CDH12: variants seen among roughly 807,000 people sequenced by gnomAD.
CDH12 encodes the protein cadherin 12, also known as cadherin-12.
Under a neutral mutation model 74.1 loss-of-function variants are expected in CDH12, and 41 were observed. The ratio of observed to expected loss-of-function variants is 0.55; its 90% CI spans 0.43 to 0.72. CDH12 has a LOEUF of 0.72. Among genes scored for constraint, CDH12 ranks in the 30% least tolerant of loss-of-function variants. The probability of loss-of-function intolerance (pLI) is 0.00; values close to 1 mark genes in which losing one functional copy is unlikely to be tolerated. For synonymous variants in CDH12, 399 were observed against 355.0 expected, an observed-to-expected ratio of 1.12 and a Z score of -1.39; for missense variants, 945 against 977.2, an observed-to-expected ratio of 0.97 and a Z score of 0.44.
intron 7 of CDH12, among the ~76,000 whole-genome samples, chr5:21,850,495 A>G (rs79317339): frequency 1.1e-3 from 167 of 151,770 alleles, no homozygotes; most frequent in African/African-American, 3.8e-3. Context: ...TGTCTATAGT[A>G]TCATAAAGTG....
intron 1 of CDH12, among the ~76,000 whole-genome samples, chr5:22,725,760 C>T (rs1233757393): frequency 6.6e-6 from 1 of 151,582 alleles, no homozygotes; most frequent in Non-Finnish European, 1.5e-5. Flanking sequence ...CAGCACATTT[C>T]CAAAGAAAGT....
intron 4 of CDH12, among the ~76,000 whole-genome samples, chr5:22,163,329 C>T (rs1287330242): frequency 6.6e-6 from 1 of 152,102 alleles, no homozygotes; most frequent in African/African-American, 2.4e-5. Context: ...ATTTCCAGCC[C>T]AGACTCCCTC....
intron 1 of CDH12, among the ~76,000 whole-genome samples, chr5:22,772,679 G>C (rs536825037): frequency 6.6e-6 from 1 of 151,922 alleles, no homozygotes; most frequent in Non-Finnish European, 1.5e-5. Flanking sequence ...AAGTATATGA[G>C]AGCAAAATTT....
At chr5:22,633,262 A>C (rs1298739246) in intron 1 of CDH12, among the ~76,000 whole-genome samples, 2 of 152,200 alleles carry the variant, frequency 1.3e-5, no homozygotes, top group Admixed American at 1.3e-4. Flanking sequence ...GATAATAAAG[A>C]ATCAGGTGAA....
intron 10 of CDH12, among the ~76,000 whole-genome samples, chr5:21,786,496 G>A (rs112037213): frequency 2.0e-5 from 3 of 150,780 alleles, no homozygotes; most frequent in African/African-American, 2.4e-5. Flanking sequence ...CCACAGCTCA[G>A]GAAAAAAAAA....
At chr5:22,837,171 C>T (rs1006151907) in intron 1 of CDH12, among the ~76,000 whole-genome samples, 1 of 152,090 alleles carries the variant, frequency 6.6e-6, no homozygotes, top group Non-Finnish European at 1.5e-5. Context: ...GTAATCCCAG[C>T]ACTTTGGGAG....
At chr5:22,695,036 G>A (rs1469377202) in intron 1 of CDH12, among the ~76,000 whole-genome samples, 1 of 151,798 alleles carries the variant, frequency 6.6e-6, no homozygotes, top group Non-Finnish European at 1.5e-5. Context: ...TCCCCTCCCT[G>A]TGTCCATCTG....
rs531721775 is a variant in CDH12, at chr5:22,242,959, G to A, written c.-332-30316C>T. Among the ~76,000 whole-genome samples the A allele has an allele frequency of 4.6e-4, 70 of 151,794 alleles. 1 individual carries two copies. The highest frequency in any genetic ancestry group is 1.5e-3 in the African/African-American group (62 of 41,382). ...TTGGTCTGATTTATTCCCCATCCCC[G>A]CTTTTTTTTAATGTTTAGTACTTAT... On this transcript the variant is annotated intron_variant, in intron 3 of 14. Coordinates refer to ENST00000382254, the MANE Select transcript of CDH12 (RefSeq NM_004061.5).
At chr5:22,377,157 G>A (rs1741563811) in intron 3 of CDH12, among the ~76,000 whole-genome samples, 1 of 152,060 alleles carries the variant, frequency 6.6e-6, no homozygotes, top group Non-Finnish European at 1.5e-5. Context: ...GGCTCATACA[G>A]CAACCAATAA....
chr5:21,863,259 A>G (rs531841212), intron 6 of CDH12, among the ~76,000 whole-genome samples: 1 of 152,052 alleles, frequency 6.6e-6, no homozygotes, highest in Non-Finnish European at 1.5e-5. Context: ...GCGGTCTTGA[A>G]TAGGTGATTC....
At chr5:22,388,092 T>C (rs187938905) in intron 3 of CDH12, among the ~76,000 whole-genome samples, 40 of 152,266 alleles carry the variant, frequency 2.6e-4, no homozygotes, top group African/African-American at 9.4e-4. Context: ...TCCATTACAT[T>C]AAATATTTCT....
At chr5:22,436,605 A>T (rs1283947019) in intron 2 of CDH12, among the ~76,000 whole-genome samples, 1 of 152,044 alleles carries the variant, frequency 6.6e-6, no homozygotes, top group Admixed American at 6.6e-5. Context: ...CTGTCTTGAG[A>T]AATCAGCTCT....
At chr5:22,609,092 G>C (rs1737266026) in intron 1 of CDH12, among the ~76,000 whole-genome samples, 1 of 152,094 alleles carries the variant, frequency 6.6e-6, no homozygotes, top group Non-Finnish European at 1.5e-5. Context: ...GGCATATTGG[G>C]AGTGGGTGAC....
At chr5:22,162,784 C>A (rs1034016329) in intron 4 of CDH12, among the ~76,000 whole-genome samples, 3 of 152,000 alleles carry the variant, frequency 2.0e-5, no homozygotes, top group Admixed American at 1.3e-4. Context: ...AGCTGGGGCT[C>A]TGACATCATG....
intron 3 of CDH12, among the ~76,000 whole-genome samples, chr5:22,307,117 T>C (rs1233852841): frequency 6.6e-6 from 1 of 152,170 alleles, no homozygotes; most frequent in Non-Finnish European, 1.5e-5. Context: ...ATGTGGAAAC[T>C]CTCACAGCTC....
intron 1 of CDH12, among the ~76,000 whole-genome samples, chr5:22,548,613 T>C (rs1228192847): frequency 6.6e-6 from 1 of 152,136 alleles, no homozygotes; most frequent in Admixed American, 6.5e-5. Context: ...GCTTACTCTC[T>C]TGGCCACAGA....
chr5:22,791,486 T>A (rs1008130306), intron 1 of CDH12, among the ~76,000 whole-genome samples: 1 of 152,198 alleles, frequency 6.6e-6, no homozygotes, highest in Non-Finnish European at 1.5e-5. Context: ...AATATGCGAT[T>A]CCCTTTAATG....
At chr5:22,709,746 T>C (rs937910992) in intron 1 of CDH12, among the ~76,000 whole-genome samples, 2 of 152,210 alleles carry the variant, frequency 1.3e-5, no homozygotes, top group African/African-American at 4.8e-5. Flanking sequence ...TGGAGTAAAG[T>C]ATTCATAAAG....
intron 3 of CDH12, among the ~76,000 whole-genome samples, chr5:22,246,945 C>T (rs968784075): frequency 5.9e-5 from 9 of 152,032 alleles, no homozygotes; most frequent in African/African-American, 1.7e-4. Context: ...AAAAGGATAA[C>T]GTTTCATATT....
Sources: allele counts gnomAD v4.1 joint callset (sites outside exome capture counted in the v4.1 genomes callset), GRCh38; gene constraint gnomAD v4.1.1; transcripts MANE v1.5; gene names NCBI Gene and HGNC (gene_info 2026-07-23, HGNC 2026-07-21).